The following SLC34A1 variants were observed in gnomAD, a reference collection of about 807,000 sequenced individuals.
SLC34A1 encodes the protein sodium-dependent phosphate transport protein 2A.
A neutral mutation model predicts 51.4 loss-of-function variants in SLC34A1; 57 were observed. That is an observed-to-expected ratio of 1.11 (90% CI 0.90 to 1.38). The LOEUF is 1.38. SLC34A1 is among the 40% of genes most tolerant of loss of function. The pLI is 0.00. For missense variants in SLC34A1, 796 were observed against 835.6 expected (o/e 0.95, Z 0.58); for synonymous variants, 368 against 358.0 (o/e 1.03, Z -0.32).
Position 177,396,710 on chromosome 5 carries a change from G to A in SLC34A1, c.1175-23G>A. On this transcript the variant is annotated intron_variant, in intron 10 of 12. Transcript: ENST00000324417. This position sits in a 1 kb window ranked among gnomAD's most constrained non-coding sequence, Gnocchi z 4.0. ...AATGTCCCCGCTCTGACCCCAGCCT[G>A]CTGGGATGCGGTTTCCTTGCAGACT... 6.2e-7 allele frequency: 1 copy of A among 1,609,148 alleles called. No homozygotes were observed. The highest frequency in any genetic ancestry group is 1.1e-5 in the South Asian group (1 of 90,976).
intron 10 of SLC34A1, 90 bp downstream of exon 10, chr5:177,394,285 C>T (rs1762892723): frequency 7.3e-7 from 1 of 1,362,648 alleles, no homozygotes; most frequent in African/African-American, 1.4e-5. Context: ...CTGGGTAAAC[C>T]CTACCATCTC....
At position 177,396,969 on chromosome 5, in the gene SLC34A1, T is replaced by C. The variant is rs1187282330; in HGVS notation, c.1311T>C (p.Ile437=). Residue 437 remains isoleucine, a synonymous_variant, in exon 12 of 13, where the codon ATT becomes ATC. Transcript: ENST00000324417. This position sits in a 1 kb window ranked among gnomAD's most constrained non-coding sequence, Gnocchi z 4.0. The stretch of plus-strand genomic sequence containing the variant: ...CCCCAGGTCTTGGTGTGATCAGCAT[T>C]GAGAGGGCCTACCCGCTCACACTGG... The part of the protein sequence containing the change: ...TPLIGLGVIS[I]ERAYPLTLGS... 2 of 1,614,150 alleles carry C rather than the reference T, an allele frequency of 1.2e-6. No individual in the cohort carries two copies. Among genetic ancestry groups the C allele is most frequent in the Non-Finnish European group, 1.7e-6 (2 of 1,180,022 alleles).
chr5:177,385,564 GGGGTGTGTGTGTGTGGTGAGGATGGA>G, intron 1 of SLC34A1, 105 bp from the exon 2 acceptor site: 1 of 663,760 alleles, frequency 1.5e-6, no homozygotes, highest in Non-Finnish European at 2.8e-6. Context: ...GAGTCTCGGA[GGGGTGTGTGTGTGTGGTGAGGATGGA>G]GGGTGTGCTT....
chr5:177,385,326 T>C lies in SLC34A1; in HGVS notation c.-47-369T>C, dbSNP rs1349349179. On this transcript the variant is annotated intron_variant, in intron 1 of 12. Coordinates refer to ENST00000324417, the MANE Select transcript of SLC34A1 (RefSeq NM_003052.5). ...CTCAGTTCTCAGTGTCTTTTATCAA[T>C]GCTATATCCAAGCCTCTGGTTCGGA... Among the ~76,000 whole-genome samples, 4 of 152,212 alleles carry C rather than the reference T, an allele frequency of 2.6e-5. 1 individual carries two copies. The East Asian group carries it at 7.7e-4, about 29-fold the overall frequency.
chr5:177,396,034 C>A lies in SLC34A1; in HGVS notation c.1175-699C>A, dbSNP rs554764213. 6.6e-6 allele frequency among the ~76,000 whole-genome samples: 1 copy of A among 152,312 alleles called. No homozygotes were observed. The highest frequency in any genetic ancestry group is 2.1e-4 in the South Asian group (1 of 4,822). ...GCCTCAGGTGATCCACCCAACTCAG[C>A]ATCCCAAAGTGCTGGGATTATAGGT... On this transcript the variant is annotated intron_variant, in intron 10 of 12. Transcript: ENST00000324417. The surrounding 1 kb of genome is among the most constrained non-coding windows in gnomAD (Gnocchi z 4.0).
At position 177,398,171 on chromosome 5, in the gene SLC34A1, G is replaced by C; in HGVS notation, c.1805G>C (p.Arg602Thr). ...ACCCGCGCCACCCTATGCTGTGCCA[G>C]GCCTGAGCCCCGCTCACCCCCGCTG... ...LITRATLCCA[R>T]PEPRSPPLPP... The change falls in exon 13 of 13, where the codon AGG becomes ACG. Residue 602 changes from arginine (R) to threonine (T), a missense_variant. Arg to Thr is a moderately conservative substitution (Grantham distance 71, BLOSUM62 -1). Transcript: ENST00000324417. This position sits in a 1 kb window ranked among gnomAD's most constrained non-coding sequence, Gnocchi z 4.7. 4 of 1,612,684 alleles carry C rather than the reference G, an allele frequency of 2.5e-6. 1 individual carries two copies. In the South Asian group the frequency reaches 4.4e-5, roughly 18 times the overall value.
chr5:177,388,830 C>A lies in SLC34A1; in HGVS notation c.936+458C>A, dbSNP rs1762696040. On this transcript the variant is annotated intron_variant, in intron 8 of 12. Transcript: ENST00000324417. The surrounding 1 kb of genome is among the most constrained non-coding windows in gnomAD (Gnocchi z 4.3). ...GGTTTCACAGGTAGAGACACAGGTT[C>A]AGAGAGGCTAAGAAACGTGCCAGAG... Among the ~76,000 whole-genome samples the A allele has an allele frequency of 6.6e-6, 1 of 152,168 alleles. No homozygotes were observed. The highest frequency in any genetic ancestry group is 6.5e-5 in the Admixed American group (1 of 15,272).
At chr5:177,391,463 C>T (rs963134959) in intron 8 of SLC34A1, among the ~76,000 whole-genome samples, 3 of 152,240 alleles carry the variant, frequency 2.0e-5, no homozygotes, top group African/African-American at 7.2e-5. Context: ...TCCCACAGTC[C>T]TCCCCACAGA....
intron 12 of SLC34A1, chr5:177,397,380 G>A (rs894567665): frequency 8.3e-5 from 41 of 495,198 alleles, no homozygotes; most frequent in Middle Eastern, 5.6e-4. Flanking sequence ...AATCCATTGC[G>A]GGGGTCAAGG....
At chr5:177,397,538 C>G (rs769884847) in intron 12 of SLC34A1, 29 of 594,492 alleles carry the variant, frequency 4.9e-5, no homozygotes, top group Non-Finnish European at 8.4e-5. Flanking sequence ...TGCGAGGGGT[C>G]AGTGGGGAAA....
chr5:177,389,779 C>T, intron 8 of SLC34A1: 2 of 1,536,466 alleles, frequency 1.3e-6, no homozygotes, highest in Non-Finnish European at 1.7e-6. Flanking sequence ...CAGCAGCCTC[C>T]ACGTCCTCAC....
chr5:177,390,232 C>T (rs1762755694), intron 8 of SLC34A1: 1 of 991,246 alleles, frequency 1.0e-6, no homozygotes, highest in African/African-American at 1.7e-5. Flanking sequence ...CAAGGCCTAC[C>T]AGATGGGGAA....
rs1190888146 is a variant in SLC34A1 at position 177,388,014 on chromosome 5, T to C, written c.665T>C (p.Val222Ala). 1 of 1,613,618 alleles carries C rather than the reference T, an allele frequency of 6.2e-7. No individual in the cohort carries two copies. The highest frequency in any genetic ancestry group is 8.5e-7 in the Non-Finnish European group (1 of 1,179,868). ...CCCAGGGCCTTCGCGGGGGCCACGGTGCATGACTGCTTTAACTGGCTGTCA... is the reference window on the plus strand; with the variant it reads ...CCCAGGGCCTTCGCGGGGGCCACGGCGCATGACTGCTTTAACTGGCTGTCA... Reference protein sequence around the residue: ...DFRRAFAGATVHDCFNWLSVL... With the variant: ...DFRRAFAGATAHDCFNWLSVL... Residue 222 changes from valine to alanine, a missense_variant, in exon 7 of 13, where the codon GTG (valine) becomes GCG (alanine). Physicochemically the swap from Val to Ala is moderately conservative, Grantham distance 64. Coordinates refer to ENST00000324417, the MANE Select transcript of SLC34A1 (RefSeq NM_003052.5). The surrounding 1 kb of genome is among the most constrained non-coding windows in gnomAD (Gnocchi z 4.3).
At position 177,385,678 on chromosome 5, in the gene SLC34A1, C is replaced by A. The variant is rs1029494634; in HGVS notation, c.-47-17C>A. ...TGTGTGGGCATGAGTGTCCCGGACA[C>A]AGCTATTGTCATTCAGCGTTGCTGA... On this transcript the variant is annotated splice_polypyrimidine_tract_variant and intron_variant, in intron 1 of 12. Coordinates refer to ENST00000324417, the MANE Select transcript of SLC34A1 (RefSeq NM_003052.5). The A allele has an allele frequency of 1.7e-6, 2 of 1,191,940 alleles. No individual in the cohort carries two copies. Among genetic ancestry groups the A allele is most frequent in the Non-Finnish European group, 2.5e-6 (2 of 809,032 alleles). The allele number at this position is 1,191,940 out of a possible 1,614,324, so 73.8% of individuals were successfully genotyped here.
intron 8 of SLC34A1, among the ~76,000 whole-genome samples, chr5:177,392,504 C>A (rs1479505772): frequency 2.6e-5 from 4 of 152,152 alleles, no homozygotes; most frequent in Non-Finnish European, 5.9e-5. Context: ...CTTAACCCAA[C>A]AAGGCTACAA....
rs387907503 is a variant in SLC34A1 at position 177,398,278 on chromosome 5, C to A, written c.1912C>A (p.Arg638Ser). ...LALPAHHNAT[R>S]L Reference sequence around the variant, plus strand: ...ACTGCCTGCTCACCACAATGCCACCCGCCTCTAGGCTGTGGGCCCAGACTA... The same window carrying A: ...ACTGCCTGCTCACCACAATGCCACCAGCCTCTAGGCTGTGGGCCCAGACTA... Residue 638 changes from arginine to serine, a missense_variant, in exon 13 of 13, where the codon CGC becomes AGC. Physicochemically the swap from Arg to Ser is moderately radical, Grantham distance 110. Coordinates refer to ENST00000324417, the MANE Select transcript of SLC34A1 (RefSeq NM_003052.5). This position sits in a 1 kb window ranked among gnomAD's most constrained non-coding sequence, Gnocchi z 4.7. The A allele has an allele frequency of 6.3e-7, 1 of 1,599,454 alleles. No homozygotes were observed. Among genetic ancestry groups the A allele is most frequent in the Non-Finnish European group, 8.5e-7 (1 of 1,179,942 alleles).
chr5:177,385,551 TGTGA>T (rs1299095770), intron 1 of SLC34A1, 140 bp from the exon 2 acceptor site: 7 of 646,114 alleles, frequency 1.1e-5, no homozygotes, highest in Non-Finnish European at 2.0e-5. Flanking sequence ...TGTTTGTGCG[TGTGA>T]GTCTCGGAGG....
chr5:177,394,484 G>T (rs146749109), intron 10 of SLC34A1, among the ~76,000 whole-genome samples: 1 of 152,276 alleles, frequency 6.6e-6, no homozygotes, highest in Non-Finnish European at 1.5e-5. Context: ...GAGGTGTAGT[G>T]CCAGGTATAC....
rs1399268607 is a variant in SLC34A1, at chr5:177,397,797, C to T, written c.1431C>T (p.His477=). ...LSSAFQIALC[H]FFFNISGILL... ...ATCCCCTGCAGATTGCCCTCTGTCA[C>T]TTCTTCTTCAACATCTCGGGTATCC... Residue 477 remains histidine (H), a synonymous_variant, in exon 13 of 13, where the codon CAC becomes CAT. Coordinates refer to ENST00000324417, the MANE Select transcript of SLC34A1 (RefSeq NM_003052.5). 2 of 1,610,804 alleles carry T rather than the reference C, an allele frequency of 1.2e-6. No individual in the cohort carries two copies. The highest frequency in any genetic ancestry group is 1.7e-6 in the Non-Finnish European group (2 of 1,179,942).
Sources: allele counts gnomAD v4.1 joint callset (sites outside exome capture counted in the v4.1 genomes callset), GRCh38; gene constraint gnomAD v4.1.1; non-coding constraint Gnocchi (gnomAD v3.1); transcripts MANE v1.5; gene names NCBI Gene and HGNC (gene_info 2026-07-23, HGNC 2026-07-21).